The following RAI1 variants were observed in gnomAD, a reference collection of about 807,000 sequenced individuals.
The protein encoded by RAI1 is retinoic acid-induced protein 1.
Under a neutral mutation model 123.8 loss-of-function variants are expected in RAI1, and 9 were observed. The ratio of observed to expected loss-of-function variants is 0.07; its 90% CI spans 0.04 to 0.13. RAI1 has a LOEUF of 0.13. Ranked by LOEUF, RAI1 falls within the 10% of genes least tolerant of loss-of-function variation. RAI1 has a pLI of 1.00. For synonymous variants in RAI1, 1,231 were observed against 1,127.3 expected (o/e 1.09, Z -1.84); for missense variants, 2,256 against 2,545.8 (o/e 0.89, Z 2.45).
rs981257841 is a variant in RAI1, at chr17:17,810,547, G to A, written c.*566G>A. On this transcript the variant is annotated 3_prime_UTR_variant, in exon 6 of 6. Coordinates refer to ENST00000353383, the MANE Select transcript of RAI1 (RefSeq NM_030665.4). This position sits in a 1 kb window ranked among gnomAD's most constrained non-coding sequence, Gnocchi z 4.6. ...AGCGGGCTAGGCCGGCACTGGAGAGGCCGGAGCCTTTGGAACAAACCGTGC... is the reference window on the plus strand; with the variant it reads ...AGCGGGCTAGGCCGGCACTGGAGAGACCGGAGCCTTTGGAACAAACCGTGC... The A allele has an allele frequency of 3.3e-6, 1 of 305,510 alleles. No individual in the cohort carries two copies. The highest frequency in any genetic ancestry group is 2.3e-5 in the African/African-American group (1 of 44,046). 18.9% of individuals were successfully genotyped at this position (305,510 alleles called of 1,614,324 possible). A position where few individuals can be genotyped will look rare whatever the true frequency, so the allele number is the denominator to read the frequency against.
At chr17:17,701,350 G>A (rs1915217978) in intron 1 of RAI1, among the ~76,000 whole-genome samples, 1 of 152,128 alleles carries the variant, frequency 6.6e-6, no homozygotes, top group African/African-American at 2.4e-5. Flanking sequence ...AGACTGATGG[G>A]AACCTCAGGG....
At position 17,796,679 on chromosome 17, in the gene RAI1, G is replaced by A. The variant is rs961209773; in HGVS notation, c.3731G>A (p.Arg1244His). 59 of 1,597,578 alleles carry A rather than the reference G, an allele frequency of 3.7e-5. No homozygotes were observed. Among genetic ancestry groups the A allele is most frequent in the Non-Finnish European group, 4.7e-5 (55 of 1,170,922 alleles). ...TKKRNLVLRS[R>H]SSSSSNASGN... ...AAGCGGAACCTGGTCTTGCGGAGCCGCAGCAGCAGCAGCAGCAACGCCAGT... is the reference window on the plus strand; with the variant it reads ...AAGCGGAACCTGGTCTTGCGGAGCCACAGCAGCAGCAGCAGCAACGCCAGT... Residue 1244 changes from arginine (R) to histidine (H), a missense_variant, in exon 3 of 6, where the codon CGC becomes CAC. By Grantham distance (29) the Arg-to-His change is conservative (BLOSUM62 0). Transcript: ENST00000353383. The surrounding 1 kb of genome is among the most constrained non-coding windows in gnomAD (Gnocchi z 5.8).
intron 4 of RAI1, among the ~76,000 whole-genome samples, chr17:17,808,475 C>G (rs374371936): frequency 3.3e-4 from 47 of 143,576 alleles, no homozygotes; most frequent in African/African-American, 1.3e-3. Flanking sequence ...TCAGACAGGG[C>G]CTGGCTGTGT....
intron 2 of RAI1, among the ~76,000 whole-genome samples, chr17:17,751,373 C>T (rs2030163598): frequency 6.6e-6 from 1 of 152,244 alleles, no homozygotes; most frequent in Non-Finnish European, 1.5e-5. Flanking sequence ...TGCTTTGCCC[C>T]TAGAGCTTGC....
chr17:17,780,267 T>C (rs1039087975), intron 2 of RAI1, among the ~76,000 whole-genome samples: 1 of 152,026 alleles, frequency 6.6e-6, no homozygotes. Context: ...GGTTTCAACA[T>C]GTTTGCCAGG....
intron 2 of RAI1, among the ~76,000 whole-genome samples, chr17:17,742,983 C>T (rs1292548973): frequency 1.3e-5 from 2 of 152,180 alleles, no homozygotes; most frequent in African/African-American, 4.8e-5. Context: ...TCCCTTCATT[C>T]CAGTCCCTGA....
chr17:17,694,027 C>T (rs1270436997), intron 1 of RAI1, among the ~76,000 whole-genome samples: 1 of 152,244 alleles, frequency 6.6e-6, no homozygotes, highest in Non-Finnish European at 1.5e-5. Context: ...GGAGAGTCAC[C>T]TGTCCTGGCC....
intron 2 of RAI1, among the ~76,000 whole-genome samples, chr17:17,761,094 C>A (rs765581386): frequency 2.0e-5 from 3 of 152,186 alleles, no homozygotes; most frequent in Admixed American, 1.3e-4. Context: ...AGTTCCTTGT[C>A]CTCTCTGTGC....
intron 2 of RAI1, among the ~76,000 whole-genome samples, chr17:17,767,469 T>C (rs1011787455): frequency 2.6e-5 from 4 of 152,064 alleles, no homozygotes; most frequent in African/African-American, 9.7e-5. Context: ...CTCCAGCCCC[T>C]CTGCTGAGAA....
chr17:17,717,717 C>T (rs536026559), intron 1 of RAI1, among the ~76,000 whole-genome samples: 2 of 152,174 alleles, frequency 1.3e-5, no homozygotes, highest in Admixed American at 6.5e-5. Flanking sequence ...CTTTTAAGTT[C>T]AGCAGATTTG....
intron 1 of RAI1, among the ~76,000 whole-genome samples, chr17:17,691,882 A>T (rs1325609269): frequency 2.0e-5 from 3 of 152,092 alleles, no homozygotes; most frequent in Admixed American, 6.6e-5. Flanking sequence ...CAGCTTTCTG[A>T]TAGGTGGGAA....
chr17:17,759,783 C>A (rs1270333860), intron 2 of RAI1, among the ~76,000 whole-genome samples: 4 of 152,120 alleles, frequency 2.6e-5, no homozygotes, highest in African/African-American at 9.7e-5. Context: ...GGAGACAGGC[C>A]CCCAGTGGAT....
At position 17,796,213 on chromosome 17, in the gene RAI1, C is replaced by T. The variant is rs757309140; in HGVS notation, c.3265C>T (p.Arg1089Ter). Residue 1089 changes from arginine to a stop codon, truncating the protein, a stop_gained, in exon 3 of 6, where the codon CGA (arginine) becomes TGA (stop). Transcript: ENST00000353383. LOFTEE classifies it high-confidence loss of function. The surrounding 1 kb of genome is among the most constrained non-coding windows in gnomAD (Gnocchi z 5.8). ...CCCAGACAAACTGGGGGGCAAGCAG[C>T]GAGCCGCCTTCAAGTCGGGCAAGCG... Reference protein sequence around the residue: ...APPDKLGGKQRAAFKSGKRVG... With the variant: ...APPDKLGGKQ 6.4e-7 allele frequency: 1 copy of T among 1,557,016 alleles called. No individual in the cohort carries two copies. The highest frequency in any genetic ancestry group is 8.7e-7 in the Non-Finnish European group (1 of 1,150,972).
intron 2 of RAI1, among the ~76,000 whole-genome samples, chr17:17,747,621 G>A (rs1251501051): frequency 6.6e-6 from 1 of 152,166 alleles, no homozygotes; most frequent in Non-Finnish European, 1.5e-5. Context: ...TTGGTGGCAG[G>A]GGCCTAGAGT....
In RAI1 at chr17:17,793,567, A is replaced by G. The variant is rs1434136369; in HGVS notation, c.619A>G (p.Thr207Ala). 6.2e-7 allele frequency: 1 copy of G among 1,613,568 alleles called. No homozygotes were observed. Among genetic ancestry groups the G allele is most frequent in the Non-Finnish European group, 8.5e-7 (1 of 1,179,948 alleles). The change falls in exon 3 of 6, where the codon ACC (threonine) becomes GCC (alanine). Residue 207 changes from threonine (T) to alanine (A), a missense_variant. This residue lies in a region of RAI1 where 336 missense variants were observed against 349.8 expected (regional missense o/e 0.96). Transcript: ENST00000353383. ...CTCCCCTCTGCCCTTCCCCCAGGGT[A>G]CCCACTTTCCTCAGCATTCCCAGTC... ...IASPLPFPQGTHFPQHSQSFP... is the reference protein window; with the variant it reads ...IASPLPFPQGAHFPQHSQSFP...
chr17:17,700,880 A>C (rs1031423036), intron 1 of RAI1, among the ~76,000 whole-genome samples: 1 of 152,194 alleles, frequency 6.6e-6, no homozygotes, highest in Non-Finnish European at 1.5e-5. Context: ...CGCTGCTGCC[A>C]CTGACCCAGT....
intron 1 of RAI1, among the ~76,000 whole-genome samples, chr17:17,711,441 G>T (rs941796060): frequency 7.9e-5 from 12 of 152,200 alleles, no homozygotes; most frequent in Non-Finnish European, 5.9e-5. Flanking sequence ...GTTGGGGGGC[G>T]GGTGCTTGCC....
In RAI1 at chr17:17,810,600, A is replaced by G. The variant is rs959536482; in HGVS notation, c.*619A>G. The G allele has an allele frequency of 1.9e-4, 61 of 327,692 alleles. No homozygotes were observed. The highest frequency in any genetic ancestry group is 1.2e-3 in the South Asian group (56 of 45,310). 20.3% of individuals were successfully genotyped at this position (327,692 alleles called of 1,614,324 possible). A position where few individuals can be genotyped will look rare whatever the true frequency, so the allele number is the denominator to read the frequency against. The stretch of plus-strand genomic sequence containing the variant: ...AACGCGTCCAGGGGCCTTCCCGCCC[A>G]GCCTTTGCCAGATCTCTCGTGCGGT... On this transcript the variant is annotated 3_prime_UTR_variant, in exon 6 of 6. Coordinates refer to ENST00000353383, the MANE Select transcript of RAI1 (RefSeq NM_030665.4). The surrounding 1 kb of genome is among the most constrained non-coding windows in gnomAD (Gnocchi z 4.6).
chr17:17,754,878 A>G (rs1162830727), intron 2 of RAI1, among the ~76,000 whole-genome samples: 1 of 152,192 alleles, frequency 6.6e-6, no homozygotes, highest in Non-Finnish European at 1.5e-5. Flanking sequence ...CCCAGTCTAC[A>G]TTCATTGGGT....
Sources: allele counts gnomAD v4.1 joint callset (sites outside exome capture counted in the v4.1 genomes callset), GRCh38; gene constraint gnomAD v4.1.1; regional missense constraint gnomAD v4.1.1; non-coding constraint Gnocchi (gnomAD v3.1); transcripts MANE v1.5; gene names NCBI Gene and HGNC (gene_info 2026-07-23, HGNC 2026-07-21).